CHRDL2: variants seen among roughly 807,000 people sequenced by gnomAD.
The protein encoded by CHRDL2 is chordin like 2, also known as chordin-like protein 2.
Under a neutral mutation model 54.3 loss-of-function variants are expected in CHRDL2, and 41 were observed. The ratio of observed to expected loss-of-function variants is 0.76; its 90% CI spans 0.59 to 0.98. The LOEUF is 0.98. CHRDL2 is among the 50% of genes least tolerant of loss of function. The probability of loss-of-function intolerance (pLI) is 0.00; values close to 1 mark genes in which losing one functional copy is unlikely to be tolerated. For synonymous variants in CHRDL2, 220 were observed against 224.3 expected (o/e 0.98, Z 0.17); for missense variants, 518 against 562.4 (o/e 0.92, Z 0.80).
chr11:74,700,433 C>T (rs1463667608), intron 9 of CHRDL2, among the ~76,000 whole-genome samples: 1 of 152,034 alleles, frequency 6.6e-6, no homozygotes, highest in Non-Finnish European at 1.5e-5. Flanking sequence ...GCCCATCCTT[C>T]ACGAAGCCTT....
chr11:74,709,942 C>T (rs926598953), intron 4 of CHRDL2, among the ~76,000 whole-genome samples: 6 of 152,268 alleles, frequency 3.9e-5, no homozygotes, highest in African/African-American at 1.2e-4. Flanking sequence ...CTGGGCTGGG[C>T]GCGGTGGCTC....
chr11:74,703,741 C>G (rs1311681611), intron 7 of CHRDL2, among the ~76,000 whole-genome samples: 1 of 152,252 alleles, frequency 6.6e-6, no homozygotes. Context: ...AGAGTCCTCC[C>G]TCACCCTTCA....
intron 9 of CHRDL2, chr11:74,698,628 TC>T (rs2033685461): frequency 6.9e-6 from 1 of 145,804 alleles, no homozygotes; most frequent in African/African-American, 2.6e-5. Context: ...AATGAATGAA[TC>T]CCTGGATGGA....
chr11:74,717,373 T>C (rs1252387693), intron 2 of CHRDL2, among the ~76,000 whole-genome samples: 2 of 152,248 alleles, frequency 1.3e-5, no homozygotes, highest in African/African-American at 4.8e-5. Flanking sequence ...CTCAAAAAAC[T>C]TGGACTTTGT....
At chr11:74,703,626 C>A in intron 7 of CHRDL2, 127 bp from the exon 8 acceptor site, 1 of 757,822 alleles carries the variant, frequency 1.3e-6, no homozygotes, top group East Asian at 2.7e-5. Flanking sequence ...AGCCACACTG[C>A]CTGCAAAGCA....
intron 1 of CHRDL2, chr11:74,720,191 G>A (rs760527381): frequency 1.3e-5 from 2 of 152,376 alleles, no homozygotes; most frequent in Non-Finnish European, 2.9e-5. Context: ...ATTAGATAAC[G>A]CTTGTAAAGT....
rs146692044 is a variant in CHRDL2 at position 74,697,209 on chromosome 11, G to A, written c.1209C>T (p.His403=). The A allele has an allele frequency of 1.7e-5, 27 of 1,613,080 alleles. No individual in the cohort carries two copies. The East Asian group carries it at 4.2e-4, about 25-fold the overall frequency. The change falls in exon 10 of 11, where the codon CAC becomes CAT. Residue 403 remains histidine, a synonymous_variant. Transcript: ENST00000376332. ...AQHFRLLAGP[H]EGHWNVFLAQ... ...TTCCTCAGCCCAAGCTCCTACCTTC[G>A]TGGGGGCCAGCGAGCAGTCGGAAGT...
At chr11:74,711,772 C>G (rs1432963740) in intron 3 of CHRDL2, among the ~76,000 whole-genome samples, 3 of 151,562 alleles carry the variant, frequency 2.0e-5, no homozygotes, top group Non-Finnish European at 4.4e-5. Flanking sequence ...TCTAGGAGTT[C>G]GAGACTGGCC....
chr11:74,726,721 C>T (rs1336400573), intron 1 of CHRDL2, among the ~76,000 whole-genome samples: 1 of 152,220 alleles, frequency 6.6e-6, no homozygotes, highest in Non-Finnish European at 1.5e-5. Flanking sequence ...TCAGGCTCAG[C>T]AGCCTGTGCG....
chr11:74,716,263 G>A (rs926369066), intron 2 of CHRDL2, among the ~76,000 whole-genome samples: 8 of 152,116 alleles, frequency 5.3e-5, no homozygotes, highest in East Asian at 1.9e-4. Flanking sequence ...AAGGCCAGGC[G>A]TGGTGGCTCA....
chr11:74,696,729 G>C (rs1160063350), intron 10 of CHRDL2, 144 bp from the exon 11 acceptor site: 3 of 653,034 alleles, frequency 4.6e-6, no homozygotes, highest in East Asian at 2.7e-5. Context: ...CTGGAGGCGA[G>C]TGTGCCATCA....
rs1204493401 is a variant in CHRDL2 at position 74,708,376 on chromosome 11, C to T, written c.452G>A (p.Gly151Asp). 1 of 1,586,698 alleles carries T rather than the reference C, an allele frequency of 6.3e-7. No individual in the cohort carries two copies. Among genetic ancestry groups the T allele is most frequent in the Admixed American group, 1.8e-5 (1 of 56,062 alleles). ...GCCTGGTTCGGGGCAGGTTGTGAGG[C>T]CGCAGTAGATCTGGCCCTCCTGACA... ...CSCTEGQIYC[G>D]LTTCPEPGCP... Residue 151 changes from glycine (G) to aspartate (D), a missense_variant, in exon 5 of 11, where the codon GGC (glycine) becomes GAC (aspartate). By Grantham distance (94) the Gly-to-Asp change is moderately conservative (BLOSUM62 -1). Coordinates refer to ENST00000376332, the MANE Select transcript of CHRDL2 (RefSeq NM_001278473.3).
At chr11:74,724,200 C>T (rs1002982223) in intron 1 of CHRDL2, among the ~76,000 whole-genome samples, 1 of 152,226 alleles carries the variant, frequency 6.6e-6, no homozygotes, top group Non-Finnish European at 1.5e-5. Context: ...AGGGGAAGGA[C>T]TTCTCAGGCA....
intron 9 of CHRDL2, among the ~76,000 whole-genome samples, chr11:74,699,869 G>A (rs1215123642): frequency 2.0e-5 from 3 of 152,242 alleles, no homozygotes; most frequent in Non-Finnish European, 4.4e-5. Flanking sequence ...GAGGCTGATG[G>A]GGCATTTAGG....
chr11:74,720,887 G>A (rs773871432), intron 1 of CHRDL2, among the ~76,000 whole-genome samples: 90 of 152,286 alleles, frequency 5.9e-4, no homozygotes, highest in Admixed American at 4.4e-3. Context: ...GGCCTCTCTC[G>A]GGTTCCTCAT....
intron 1 of CHRDL2, among the ~76,000 whole-genome samples, chr11:74,727,512 C>T (rs1487492224): frequency 1.3e-5 from 2 of 152,152 alleles, no homozygotes; most frequent in Non-Finnish European, 2.9e-5. Context: ...TCAAGCAATC[C>T]TTCCACCTCA....
intron 1 of CHRDL2, among the ~76,000 whole-genome samples, chr11:74,729,468 G>A (rs1036379511): frequency 1.3e-5 from 2 of 152,214 alleles, no homozygotes; most frequent in Admixed American, 6.5e-5. Context: ...GCTCTAAGGG[G>A]CACGGCCAGG....
chr11:74,729,472 G>A (rs1359569869), intron 1 of CHRDL2, among the ~76,000 whole-genome samples: 4 of 152,162 alleles, frequency 2.6e-5, no homozygotes, highest in Non-Finnish European at 4.4e-5. Context: ...TAAGGGGCAC[G>A]GCCAGGATTT....
At chr11:74,702,772 C>G (rs1394476912) in intron 9 of CHRDL2, 22 bp downstream of exon 9, 15 of 1,613,678 alleles carry the variant, frequency 9.3e-6, no homozygotes, top group Non-Finnish European at 1.3e-5. Flanking sequence ...GTACACCCCA[C>G]TGGGAGTGGG....
Sources: allele counts gnomAD v4.1 joint callset (sites outside exome capture counted in the v4.1 genomes callset), GRCh38; gene constraint gnomAD v4.1.1; transcripts MANE v1.5; gene names NCBI Gene and HGNC (gene_info 2026-07-23, HGNC 2026-07-21).